Variants in MEF2C observed in about 807,000 individuals in gnomAD.
The protein encoded by MEF2C is myocyte enhancer factor 2C.
In MEF2C, 6 loss-of-function variants were observed where a neutral mutation model predicts 50.5. The observed-to-expected ratio is 0.12, with a 90% CI of 0.07 to 0.23. The LOEUF is 0.23. MEF2C is among the 10% of genes least tolerant of loss of function. The pLI is 1.00. For missense variants in MEF2C, 276 were observed against 605.0 expected (o/e 0.46, Z 5.70); for synonymous variants, 183 against 228.0 (o/e 0.80, Z 1.78).
intron 1 of MEF2C, among the ~76,000 whole-genome samples, chr5:88,854,177 A>T (rs1822406860): frequency 6.6e-6 from 1 of 152,216 alleles, no homozygotes; most frequent in Non-Finnish European, 1.5e-5. Flanking sequence ...TCTAAATCTC[A>T]GTTTTCTTCT....
At position 88,868,283 on chromosome 5, in the gene MEF2C, G is replaced by A. The variant is rs540292538; in HGVS notation, c.-143+14672C>T. On this transcript the variant is annotated intron_variant, in intron 1 of 10. Coordinates refer to ENST00000504921, the MANE Select transcript of MEF2C (RefSeq NM_002397.5). ...AATAAAAAAGCCTACCTTTTTAGAA[G>A]ATCTGGTATTTACAAGCATTTCACA... 3.9e-5 allele frequency among the ~76,000 whole-genome samples: 6 copies of A among 152,170 alleles called. No homozygotes were observed. In the East Asian group the frequency reaches 9.7e-4, roughly 24 times the overall value.
chr5:88,762,513 C>T (rs1778316380), intron 3 of MEF2C, among the ~76,000 whole-genome samples: 1 of 152,164 alleles, frequency 6.6e-6, no homozygotes, highest in African/African-American at 2.4e-5. Flanking sequence ...TGTGATCTGC[C>T]TGCCTCAGCC....
At chr5:88,855,553 C>T (rs1822995585) in intron 1 of MEF2C, among the ~76,000 whole-genome samples, 1 of 152,192 alleles carries the variant, frequency 6.6e-6, no homozygotes, top group Non-Finnish European at 1.5e-5. Flanking sequence ...ACCCAAATCT[C>T]ATCTTGAATT....
intron 3 of MEF2C, among the ~76,000 whole-genome samples, 173 bp from the exon 4 acceptor site, chr5:88,761,501 C>A (rs1186558443): frequency 6.6e-6 from 1 of 152,084 alleles, no homozygotes. Flanking sequence ...TGCTCATCAG[C>A]AGTTTAAAAA....
intron 1 of MEF2C, among the ~76,000 whole-genome samples, chr5:88,862,111 G>T (rs1825705175): frequency 6.6e-6 from 1 of 152,116 alleles, no homozygotes. Flanking sequence ...CGACCAAAAG[G>T]TTTACAGACT....
chr5:88,851,243 A>T (rs1284754168), intron 1 of MEF2C, among the ~76,000 whole-genome samples: 1 of 151,758 alleles, frequency 6.6e-6, no homozygotes, highest in Non-Finnish European at 1.5e-5. Context: ...CAAAAAAAAA[A>T]AAAAAAAAAG....
chr5:88,801,450 T>G (rs963574346), intron 3 of MEF2C, among the ~76,000 whole-genome samples: 2 of 152,038 alleles, frequency 1.3e-5, no homozygotes, highest in Admixed American at 6.6e-5. Flanking sequence ...GTACTAGTGC[T>G]GCAGAGGTTT....
intron 2 of MEF2C, among the ~76,000 whole-genome samples, chr5:88,816,457 G>A (rs901354744): frequency 5.9e-5 from 8 of 135,406 alleles, no homozygotes; most frequent in South Asian, 2.3e-4. Flanking sequence ...TGAGCATTCT[G>A]CCTACTGCTT....
At chr5:88,788,942 G>A (rs1792378888) in intron 3 of MEF2C, among the ~76,000 whole-genome samples, 2 of 152,252 alleles carry the variant, frequency 1.3e-5, no homozygotes, top group East Asian at 3.9e-4. Context: ...ATAACTGAGA[G>A]TGAAGTTGGC....
rs550416321 is a variant in MEF2C, at chr5:88,900,584, T to A, written c.-240+3332A>T. Among the ~76,000 whole-genome samples, 56 of 152,000 alleles carry A rather than the reference T, an allele frequency of 3.7e-4. No homozygotes were observed. The Middle Eastern group carries it at 0.01, about 28-fold the overall frequency. Reference sequence around the variant, plus strand: ...ATAAAAAACTTTTGTACCATAGATGTTTTAGTACATTTATAGTCTTTGTAT... The same window carrying A: ...ATAAAAAACTTTTGTACCATAGATGATTTAGTACATTTATAGTCTTTGTAT... On this transcript the variant is annotated intron_variant, in intron 1 of 11. Transcript: ENST00000340208.
intron 1 of MEF2C, among the ~76,000 whole-genome samples, chr5:88,866,058 G>A (rs1827263404): frequency 6.6e-6 from 1 of 152,044 alleles, no homozygotes; most frequent in Admixed American, 6.5e-5. Context: ...ACCACGCCCG[G>A]CTAATTTTTT....
chr5:88,827,873 C>T (rs1489342630), intron 1 of MEF2C, among the ~76,000 whole-genome samples: 3 of 147,902 alleles, frequency 2.0e-5, no homozygotes, highest in Non-Finnish European at 4.5e-5. Context: ...AAAATCAATG[C>T]ATGCTGGTAA....
chr5:88,790,396 G>A (rs1793194217), intron 3 of MEF2C, among the ~76,000 whole-genome samples: 2 of 152,172 alleles, frequency 1.3e-5, no homozygotes, highest in Admixed American at 1.3e-4. Context: ...AAGGGATCCT[G>A]GGCCCTGCCC....
At chr5:88,756,387 C>T (rs796452638) in intron 4 of MEF2C, among the ~76,000 whole-genome samples, 17 of 152,298 alleles carry the variant, frequency 1.1e-4, no homozygotes, top group African/African-American at 4.1e-4. Flanking sequence ...TTAGCTCCCA[C>T]TTCTAAGTGA....
chr5:88,833,215 T>C (rs1813726150), intron 1 of MEF2C, among the ~76,000 whole-genome samples: 1 of 152,148 alleles, frequency 6.6e-6, no homozygotes, highest in South Asian at 2.1e-4. Flanking sequence ...TACAAAATGC[T>C]GATGATATAG....
intron 4 of MEF2C, among the ~76,000 whole-genome samples, chr5:88,760,122 T>C (rs1055785667): frequency 2.0e-5 from 3 of 152,268 alleles, no homozygotes; most frequent in Non-Finnish European, 4.4e-5. Flanking sequence ...ACATTAGTTA[T>C]TTAGAAGGTA....
chr5:88,856,262 GT>G (rs1823297355), intron 1 of MEF2C, among the ~76,000 whole-genome samples: 1 of 152,196 alleles, frequency 6.6e-6, no homozygotes, highest in Non-Finnish European at 1.5e-5. Flanking sequence ...GCAGCAAAGT[GT>G]TCAAGAGGTG....
rs144872310 is a variant in MEF2C at position 88,893,218 on chromosome 5, CA to C, written c.-239-5621del. Among the ~76,000 whole-genome samples, 419 of 152,226 alleles carry C rather than the reference CA, an allele frequency of 2.8e-3. 10 individuals carry two copies. In the East Asian group the frequency reaches 0.057, roughly 21 times the overall value. ...AACACTAGTTATTAAGTGAAGACCC[CA>C]AGTTAAGACAGAAGAGTTTAGAAAA... On this transcript the variant is annotated intron_variant, in intron 1 of 11. Transcript: ENST00000340208.
intron 1 of MEF2C, among the ~76,000 whole-genome samples, chr5:88,846,379 T>A (rs1394162525): frequency 6.6e-6 from 1 of 152,112 alleles, no homozygotes; most frequent in East Asian, 1.9e-4. Flanking sequence ...ACTTCAACAC[T>A]TTACGAAAGT....
Sources: allele counts gnomAD v4.1 joint callset (sites outside exome capture counted in the v4.1 genomes callset), GRCh38; gene constraint gnomAD v4.1.1; transcripts MANE v1.5; gene names NCBI Gene and HGNC (gene_info 2026-07-23, HGNC 2026-07-21).